The following TNNI1 variants were observed in gnomAD, a reference collection of about 807,000 sequenced individuals.
TNNI1 encodes the protein troponin I1, slow skeletal type.
Under a neutral mutation model 26.7 loss-of-function variants are expected in TNNI1, and 14 were observed. That is an observed-to-expected ratio of 0.52 (90% CI 0.35 to 0.82). The LOEUF is 0.82. Ranked by LOEUF, TNNI1 falls within the 40% of genes least tolerant of loss-of-function variation. The pLI, the probability that TNNI1 is intolerant of heterozygous loss-of-function variation, is 0.01. For synonymous variants in TNNI1, 79 were observed against 98.2 expected (o/e 0.80, Z 1.16); for missense variants, 164 against 257.0 (o/e 0.64, Z 2.47).
rs139455576 is a variant in TNNI1, at chr1:201,410,478, A to T, written c.457-43T>A. On this transcript the variant is annotated intron_variant, in intron 7 of 8. Coordinates refer to ENST00000361379, the MANE Select transcript of TNNI1 (RefSeq NM_003281.4). ...ACACATCAGGGACTTACCAGGCTGG[A>T]CGGCCCCCCAGCTCAAGAGAAGCTG... is the stretch of plus-strand genomic sequence containing the variant. The T allele has an allele frequency of 9.3e-5, 146 of 1,562,548 alleles. No homozygotes were observed. The African/African-American group carries it at 1.7e-3, about 18-fold the overall frequency.
Position 201,407,424 on chromosome 1 carries a change from T to A in TNNI1, c.*1829A>T, listed in dbSNP as rs915667858. ...CAAGAACCCTGGGCAGAGTGCTGCTTCCCCTAAGGTAGCCCAAGTTGCTGG... is the reference window on the plus strand; with the variant it reads ...CAAGAACCCTGGGCAGAGTGCTGCTACCCCTAAGGTAGCCCAAGTTGCTGG... On this transcript the variant is annotated 3_prime_UTR_variant, in exon 9 of 9. Transcript: ENST00000361379. The A allele has an allele frequency of 1.3e-5, 2 of 152,230 alleles. No homozygotes were observed. Among genetic ancestry groups the A allele is most frequent in the Admixed American group, 1.3e-4 (2 of 15,278 alleles). 9.4% of individuals were successfully genotyped at this position (152,230 alleles called of 1,614,324 possible).
chr1:201,417,202 C>T, intron 2 of TNNI1, 83 bp from the exon 3 acceptor site: 1 of 1,574,912 alleles, frequency 6.3e-7, no homozygotes, highest in Admixed American at 1.7e-5. Flanking sequence ...TGTGCAGTCG[C>T]AGAACCTCAC....
rs1432076318 is a variant in TNNI1 at position 201,406,457 on chromosome 1, G to A, written c.*2796C>T. On this transcript the variant is annotated 3_prime_UTR_variant, in exon 9 of 9. Transcript: ENST00000361379. ...CATGAAAAGTCCCTAACCTCTCTGT[G>A]CCTCAGTTTTCCCCACTGTACCATG... 1 of 152,248 alleles carries A rather than the reference G, an allele frequency of 6.6e-6. No individual in the cohort carries two copies. Among genetic ancestry groups the A allele is most frequent in the Non-Finnish European group, 1.5e-5 (1 of 68,058 alleles). The allele number at this position is 152,248 out of a possible 1,614,324, so 9.4% of individuals were successfully genotyped here. A position where few individuals can be genotyped will look rare whatever the true frequency, so the allele number is the denominator to read the frequency against.
At chr1:201,410,140 T>C (rs1178335341) in intron 8 of TNNI1, 186 bp downstream of exon 8, 3 of 537,542 alleles carry the variant, frequency 5.6e-6, no homozygotes, top group African/African-American at 1.9e-5. Context: ...AGAAATGACA[T>C]GCCCAAGTAT....
chr1:201,404,449 C>T lies in TNNI1; in HGVS notation c.*4804G>A, dbSNP rs966194311. On this transcript the variant is annotated 3_prime_UTR_variant, in exon 9 of 9. Transcript: ENST00000361379. ...GAATCCAGGGCAGTAAGCTCCCTGG[C>T]TTTCGGTTTTTACAAACTAATAATA... is the stretch of plus-strand genomic sequence containing the variant. The T allele has an allele frequency of 3.9e-5, 6 of 152,184 alleles. No individual in the cohort carries two copies. Among genetic ancestry groups the T allele is most frequent in the African/African-American group, 1.4e-4 (6 of 41,446 alleles). 9.4% of individuals were successfully genotyped at this position (152,184 alleles called of 1,614,324 possible). A position where few individuals can be genotyped will look rare whatever the true frequency, so the allele number is the denominator to read the frequency against.
At position 201,404,415 on chromosome 1, in the gene TNNI1, C is replaced by G. The variant is rs569466899; in HGVS notation, c.*4838G>C. On this transcript the variant is annotated 3_prime_UTR_variant, in exon 9 of 9. Transcript: ENST00000361379. ...GAAATGAATGAGGTGATAAGACCCA[C>G]GCCCTAAAGAATCCAGGGCAGTAAG... 1 of 152,158 alleles carries G rather than the reference C, an allele frequency of 6.6e-6. No individual in the cohort carries two copies. The highest frequency in any genetic ancestry group is 2.4e-5 in the African/African-American group (1 of 41,424). 9.4% of individuals were successfully genotyped at this position (152,158 alleles called of 1,614,324 possible).
rs1352973523 is a variant in TNNI1 at position 201,410,887 on chromosome 1, C to T, written c.457-452G>A. Among the ~76,000 whole-genome samples, 5 of 152,362 alleles carry T rather than the reference C, an allele frequency of 3.3e-5. No homozygotes were observed. In the East Asian group the frequency reaches 7.7e-4, roughly 23 times the overall value. On this transcript the variant is annotated intron_variant, in intron 7 of 8. Coordinates refer to ENST00000361379, the MANE Select transcript of TNNI1 (RefSeq NM_003281.4). ...ACTGTTCCTTCATCCCTGTTCCTTA[C>T]AGAGCCTATCAATTTGGGGCACATA...
intron 4 of TNNI1, 95 bp downstream of exon 4, chr1:201,415,118 C>T: frequency 8.4e-7 from 1 of 1,188,088 alleles, no homozygotes; most frequent in Non-Finnish European, 1.2e-6. Flanking sequence ...TCCTTCCTTT[C>T]TCCTTGCCAT....
In TNNI1 at chr1:201,414,669, T is replaced by C; in HGVS notation, c.58-20A>G. ...CAGGCTCTGGACAGGACACACCTGC[T>C]GAGCTGGGGGCCTCACATCTCCCAC... On this transcript the variant is annotated intron_variant, in intron 4 of 8. Coordinates refer to ENST00000361379, the MANE Select transcript of TNNI1 (RefSeq NM_003281.4). 1 of 1,608,158 alleles carries C rather than the reference T, an allele frequency of 6.2e-7. No individual in the cohort carries two copies. The highest frequency in any genetic ancestry group is 8.5e-7 in the Non-Finnish European group (1 of 1,177,044).
chr1:201,414,624 T>C lies in TNNI1; in HGVS notation c.83A>G (p.Glu28Gly), dbSNP rs1662702800. 6.2e-7 allele frequency: 1 copy of C among 1,614,000 alleles called. No homozygotes were observed. ...CTCCTCGTGCTCCTGCTCCCAGCAT[T>C]CCTTGGCCTTGGCCAGCATCAGGCT... is the stretch of plus-strand genomic sequence containing the variant. ...LKSLMLAKAK[E>G]CWEQEHEERE... Residue 28 changes from glutamate (E) to glycine (G), a missense_variant, in exon 5 of 9, where the codon GAA (glutamate) becomes GGA (glycine). By Grantham distance (98) the Glu-to-Gly change is moderately conservative. Transcript: ENST00000361379.
At chr1:201,415,370 G>T in intron 3 of TNNI1, 116 bp from the exon 4 acceptor site, 1 of 1,104,998 alleles carries the variant, frequency 9.0e-7, no homozygotes, top group Non-Finnish European at 1.3e-6. Context: ...GGAATCCTCT[G>T]CTCACCCTAC....
chr1:201,407,984 A>C lies in TNNI1; in HGVS notation c.*1269T>G, dbSNP rs1309329130. ...CTTGAACCTGGGAGGCGGAGGTTGC[A>C]GTGAGTCGAGATCGCGTCACTGCAC... On this transcript the variant is annotated 3_prime_UTR_variant, in exon 9 of 9. Transcript: ENST00000361379. 1 of 151,060 alleles carries C rather than the reference A, an allele frequency of 6.6e-6. No individual in the cohort carries two copies. Among genetic ancestry groups the C allele is most frequent in the Non-Finnish European group, 1.5e-5 (1 of 67,932 alleles). The allele number at this position is 151,060 out of a possible 1,614,324, so 9.4% of individuals were successfully genotyped here.
At chr1:201,414,733 G>C in intron 4 of TNNI1, 84 bp from the exon 5 acceptor site, 1 of 1,567,268 alleles carries the variant, frequency 6.4e-7, no homozygotes, top group Non-Finnish European at 8.6e-7. Flanking sequence ...CCACAGCCTG[G>C]GCCAACTCTG....
rs1300793916 is a variant in TNNI1 at position 201,404,665 on chromosome 1, T to C, written c.*4588A>G. On this transcript the variant is annotated 3_prime_UTR_variant, in exon 9 of 9. Transcript: ENST00000361379. ...CGTTTCCACTGAATACATTTAGCTT[T>C]ATGAAAATCTCACTACATTTGTGGC... 6.6e-6 allele frequency: 1 copy of C among 152,234 alleles called. No individual in the cohort carries two copies. The highest frequency in any genetic ancestry group is 1.9e-4 in the East Asian group (1 of 5,202). 9.4% of individuals were successfully genotyped at this position (152,234 alleles called of 1,614,324 possible).
chr1:201,412,490 C>A (rs894566757), intron 6 of TNNI1, among the ~76,000 whole-genome samples: 3 of 152,160 alleles, frequency 2.0e-5, no homozygotes, highest in Non-Finnish European at 2.9e-5. Context: ...TGCCCCTCCC[C>A]ACTGGAGCAG....
At chr1:201,415,125 C>A (rs1269864387) in intron 4 of TNNI1, 88 bp downstream of exon 4, 1 of 1,239,256 alleles carries the variant, frequency 8.1e-7, no homozygotes, top group Non-Finnish European at 1.2e-6. Context: ...TTTCTCCTTG[C>A]CATAATCCTC....
chr1:201,420,013 A>G (rs989878041), intron 1 of TNNI1, among the ~76,000 whole-genome samples: 3 of 152,332 alleles, frequency 2.0e-5, no homozygotes, highest in African/African-American at 7.2e-5. Flanking sequence ...TCTGTCCATC[A>G]TCAGCCTCCA....
At chr1:201,417,875 G>A in intron 1 of TNNI1, 63 bp from the exon 2 acceptor site, 2 of 1,217,492 alleles carry the variant, frequency 1.6e-6, no homozygotes, top group Non-Finnish European at 2.1e-6. Context: ...GCCCAGCTGG[G>A]CCTTGGGAGC....
chr1:201,417,253 G>A (rs1662758704), intron 2 of TNNI1, 134 bp from the exon 3 acceptor site: 1 of 1,187,062 alleles, frequency 8.4e-7, no homozygotes, highest in South Asian at 1.2e-5. Context: ...ACAACAGTGA[G>A]CCAGAAAGTC....
Sources: gnomAD v4.1 joint callset for allele counts (sites outside exome capture counted in the v4.1 genomes callset) on GRCh38, gnomAD v4.1.1 for gene constraint, MANE v1.5 for transcripts, NCBI Gene and HGNC (gene_info 2026-07-23, HGNC 2026-07-21) for gene names.